Variants in SCUBE1 observed in about 807,000 individuals in gnomAD.
SCUBE1 encodes signal peptide, CUB domain and EGF like domain containing 1.
SCUBE1 carries 59 observed loss-of-function variants against 124.4 expected under a neutral mutation model. The ratio of observed to expected loss-of-function variants is 0.47; its 90% CI spans 0.38 to 0.59. The LOEUF is 0.59. SCUBE1 is among the 20% of genes least tolerant of loss of function. SCUBE1 has a pLI of 0.00. For synonymous variants in SCUBE1, 545 were observed against 550.9 expected (o/e 0.99, Z 0.15); for missense variants, 1,150 against 1,371.2 (o/e 0.84, Z 2.55).
In SCUBE1 at chr22:43,221,222, C is replaced by T. The variant is rs375332263; in HGVS notation, c.1500G>A (p.Arg500=). 5 of 1,611,582 alleles carry T rather than the reference C, an allele frequency of 3.1e-6. No individual in the cohort carries two copies. Among genetic ancestry groups the T allele is most frequent in the Non-Finnish European group, 4.2e-6 (5 of 1,179,962 alleles). ...FKIRDAKCHL[R]PHSQARAKET... Reference sequence around the variant, plus strand: ...CCTTTGCTCGTGCCTGGCTGTGGGGCCGGAGGTGGCACTTGGCATCTCGGA... The same window carrying T: ...CCTTTGCTCGTGCCTGGCTGTGGGGTCGGAGGTGGCACTTGGCATCTCGGA... The change falls in exon 13 of 22, where the codon CGG becomes CGA. Residue 500 remains arginine, a synonymous_variant. Coordinates refer to ENST00000360835, the MANE Select transcript of SCUBE1 (RefSeq NM_173050.5).
At chr22:43,334,505 C>T (rs1013300935) in intron 2 of SCUBE1, among the ~76,000 whole-genome samples, 11 of 152,092 alleles carry the variant, frequency 7.2e-5, no homozygotes, top group African/African-American at 2.7e-4. Flanking sequence ...AACATAGTGA[C>T]GATGATGATG....
chr22:43,253,617 C>T (rs1315979893), intron 6 of SCUBE1, among the ~76,000 whole-genome samples: 5 of 152,174 alleles, frequency 3.3e-5, no homozygotes, highest in Non-Finnish European at 1.5e-5. Context: ...CCTGCATTCT[C>T]AGGGCCTCCC....
intron 2 of SCUBE1, among the ~76,000 whole-genome samples, chr22:43,335,517 C>T (rs1052029360): frequency 4.6e-5 from 7 of 152,138 alleles, no homozygotes; most frequent in African/African-American, 1.7e-4. Flanking sequence ...GTTAACATGG[C>T]AACTCAACAG....
rs56143728 is a variant in SCUBE1, at chr22:43,323,588, ACATCCATCCATC to A, written c.221-3535_221-3524del. The stretch of plus-strand genomic sequence containing the variant: ...TTCATCTAAGCACTGACCCATCCAA[ACATCCATCCATC>A]CATCCATCCATCCATCCATCCATCC... On this transcript the variant is annotated intron_variant, in intron 2 of 21. Coordinates refer to ENST00000360835, the MANE Select transcript of SCUBE1 (RefSeq NM_173050.5). Among the ~76,000 whole-genome samples, 1,193 of 148,718 alleles carry A rather than the reference ACATCCATCCATC, an allele frequency of 8.0e-3. 21 individuals carry two copies. Among genetic ancestry groups the A allele is most frequent in the African/African-American group, 0.028 (1,118 of 40,232 alleles).
At chr22:43,214,047 GC>G in intron 16 of SCUBE1, 42 bp downstream of exon 16, 1 of 143,440 alleles carries the variant, frequency 7.0e-6, no homozygotes, top group South Asian at 5.1e-5. Context: ...AGGAGCCCCC[GC>G]CCACCCCCCA....
At chr22:43,269,421 C>T (rs911079998) in intron 4 of SCUBE1, among the ~76,000 whole-genome samples, 10 of 152,320 alleles carry the variant, frequency 6.6e-5, no homozygotes, top group South Asian at 2.1e-4. Flanking sequence ...CAGGGCAGTG[C>T]GGCCCAGCGT....
intron 7 of SCUBE1, among the ~76,000 whole-genome samples, chr22:43,236,444 T>C (rs1922764779): frequency 6.6e-6 from 1 of 152,230 alleles, no homozygotes; most frequent in Non-Finnish European, 1.5e-5. Context: ...CAGCTGTGCC[T>C]GGCTGTTGGT....
chr22:43,280,812 T>C (rs1340912820), intron 4 of SCUBE1, among the ~76,000 whole-genome samples: 17 of 119,746 alleles, frequency 1.4e-4, no homozygotes, highest in African/African-American at 6.0e-4. Flanking sequence ...GTCACCTCCC[T>C]CAGCCATCCT....
chr22:43,276,419 C>G (rs1924520803), intron 4 of SCUBE1, among the ~76,000 whole-genome samples: 1 of 152,194 alleles, frequency 6.6e-6, no homozygotes, highest in Non-Finnish European at 1.5e-5. Flanking sequence ...GACAAAAACC[C>G]ACCTGGCTGG....
rs982172325 is a variant in SCUBE1, at chr22:43,264,866, C to T, written c.485-2021G>A. 3.3e-5 allele frequency among the ~76,000 whole-genome samples: 5 copies of T among 152,244 alleles called. No individual in the cohort carries two copies. The East Asian group carries it at 5.8e-4, about 18-fold the overall frequency. ...AGGCCTGCCTCAAACTCCACCAGTT[C>T]CCCAAAGCCTCCTGGCTCCTGCCTT... On this transcript the variant is annotated intron_variant, in intron 4 of 21. Transcript: ENST00000360835.
chr22:43,210,849 C>T lies in SCUBE1; in HGVS notation c.2383+73G>A. 6.4e-7 allele frequency: 1 copy of T among 1,555,208 alleles called. No homozygotes were observed. The highest frequency in any genetic ancestry group is 1.1e-5 in the South Asian group (1 of 87,554). On this transcript the variant is annotated intron_variant, in intron 18 of 21. Coordinates refer to ENST00000360835, the MANE Select transcript of SCUBE1 (RefSeq NM_173050.5). The surrounding 1 kb of genome is among the most constrained non-coding windows in gnomAD (Gnocchi z 4.5). ...TCGTGGAGCTCGTGTGAGATCAGGT[C>T]TCCTCCCGCCCCCACAACCTGCCCA...
rs1237635848 is a variant in SCUBE1, at chr22:43,218,115, C to T, written c.1891+140G>A. Reference sequence around the variant, plus strand: ...CAGTGATGACCATGAGGGCTGCAGTCCTTCTCCCCGGCAGGCCTCTGCATC... The same window carrying T: ...CAGTGATGACCATGAGGGCTGCAGTTCTTCTCCCCGGCAGGCCTCTGCATC... On this transcript the variant is annotated intron_variant, in intron 15 of 21. Coordinates refer to ENST00000360835, the MANE Select transcript of SCUBE1 (RefSeq NM_173050.5). The T allele has an allele frequency of 1.7e-5, 13 of 763,910 alleles. No homozygotes were observed. The East Asian group carries it at 2.8e-4, about 16-fold the overall frequency. The allele number at this position is 763,910 out of a possible 1,614,324, so 47.3% of individuals were successfully genotyped here. A position where few individuals can be genotyped will look rare whatever the true frequency, so the allele number is the denominator to read the frequency against.
At chr22:43,229,245 G>C in intron 8 of SCUBE1, 57 bp from the exon 9 acceptor site, 110 of 833,460 alleles carry the variant, frequency 1.3e-4, no homozygotes, top group East Asian at 2.2e-4. Flanking sequence ...TGGTGGGTGG[G>C]CACGGCCTGT....
rs781427064 is a variant in SCUBE1 at position 43,209,672 on chromosome 22, TG to T, written c.2581+370del. Among the ~76,000 whole-genome samples, 6 of 152,202 alleles carry T rather than the reference TG, an allele frequency of 3.9e-5. No individual in the cohort carries two copies. The East Asian group carries it at 9.6e-4, about 24-fold the overall frequency. On this transcript the variant is annotated intron_variant, in intron 19 of 21. Coordinates refer to ENST00000360835, the MANE Select transcript of SCUBE1 (RefSeq NM_173050.5). ...GCGGGCGGGAGGAGACCCATGGAGCTGGAGCCTGAGGTCTCGCCCTGAGCGG... is the reference window on the plus strand; with the variant it reads ...GCGGGCGGGAGGAGACCCATGGAGCTGAGCCTGAGGTCTCGCCCTGAGCGG...
At chr22:43,339,500 T>C (rs1927196734) in intron 1 of SCUBE1, among the ~76,000 whole-genome samples, 1 of 151,846 alleles carries the variant, frequency 6.6e-6, no homozygotes, top group Admixed American at 6.6e-5. Flanking sequence ...ATTGTTCTGC[T>C]AAAAAGATGA....
At position 43,281,463 on chromosome 22, in the gene SCUBE1, C is replaced by T. The variant is rs75071224; in HGVS notation, c.484+9583G>A. 3.6e-3 allele frequency among the ~76,000 whole-genome samples: 373 copies of T among 102,860 alleles called. 20 individuals are homozygous for T. Among genetic ancestry groups the T allele is most frequent in the African/African-American group, 7.3e-3 (121 of 16,560 alleles). The allele number at this position is 102,860 out of a possible 152,430, so 67.5% of individuals were successfully genotyped here. A position where few individuals can be genotyped will look rare whatever the true frequency, so the allele number is the denominator to read the frequency against. ...GCCACCCTCCTGTCATCTCCCTCAG[C>T]CACCCTCCTGTCACCTCCCTCTTTG... is the stretch of plus-strand genomic sequence containing the variant. On this transcript the variant is annotated intron_variant, in intron 4 of 21. Coordinates refer to ENST00000360835, the MANE Select transcript of SCUBE1 (RefSeq NM_173050.5).
At chr22:43,298,741 T>A (rs1418932759) in intron 3 of SCUBE1, among the ~76,000 whole-genome samples, 2 of 151,214 alleles carry the variant, frequency 1.3e-5, no homozygotes, top group African/African-American at 4.8e-5. Flanking sequence ...CTACAAGTCA[T>A]ACCAGATGGA....
At chr22:43,328,118 T>C (rs748614691) in intron 2 of SCUBE1, among the ~76,000 whole-genome samples, 11 of 152,124 alleles carry the variant, frequency 7.2e-5, no homozygotes, top group Non-Finnish European at 4.4e-5. Flanking sequence ...CAGGGGAGAT[T>C]TCCCACCAAA....
chr22:43,331,460 ATG>A (rs1926900478), intron 2 of SCUBE1, among the ~76,000 whole-genome samples: 1 of 152,222 alleles, frequency 6.6e-6, no homozygotes, highest in South Asian at 2.1e-4. Context: ...ACTTGAATAA[ATG>A]GTTTAAAAAA....
Sources: allele counts gnomAD v4.1 joint callset (sites outside exome capture counted in the v4.1 genomes callset), GRCh38; gene constraint gnomAD v4.1.1; non-coding constraint Gnocchi (gnomAD v3.1); transcripts MANE v1.5; gene names NCBI Gene and HGNC (gene_info 2026-07-23, HGNC 2026-07-21).